The following RPS6KC1 variants were observed in gnomAD, a reference collection of about 807,000 sequenced individuals.
RPS6KC1 encodes inactive ribosomal protein S6 kinase delta-1.
RPS6KC1 carries 54 observed loss-of-function variants against 103.8 expected under a neutral mutation model. The ratio of observed to expected loss-of-function variants is 0.52; its 90% confidence interval spans 0.42 to 0.65. RPS6KC1 has a LOEUF of 0.65. RPS6KC1 is among the 30% of genes least tolerant of loss of function. The probability of loss-of-function intolerance (pLI) is 0.00; values close to 1 mark genes in which losing one functional copy is unlikely to be tolerated. For synonymous variants in RPS6KC1, 439 were observed against 438.7 expected, an observed-to-expected ratio of 1.00 and a Z score of -0.01; for missense variants, 1,151 against 1,253.8, an observed-to-expected ratio of 0.92 and a Z score of 1.24.
chr1:213,674,278 C>T, the RPS6KC1 span, among the ~76,000 whole-genome samples: 3 of 152,288 alleles, frequency 2.0e-5, no homozygotes, highest in South Asian at 4.1e-4. Context: ...CTCAGCCTCC[C>T]AAAGTCCTAG....
the RPS6KC1 span, among the ~76,000 whole-genome samples, chr1:213,618,109 A>G: frequency 6.6e-6 from 1 of 152,216 alleles, no homozygotes; most frequent in South Asian, 2.1e-4. Flanking sequence ...CACTTAAAAA[A>G]TTTCCCCAAG....
At chr1:213,856,400 T>C in the RPS6KC1 span, among the ~76,000 whole-genome samples, 33 of 152,064 alleles carry the variant, frequency 2.2e-4, no homozygotes, top group African/African-American at 8.0e-4. Context: ...CCAAATTAGT[T>C]TCATATATTT....
chr1:213,782,091 C>T, the RPS6KC1 span, among the ~76,000 whole-genome samples: 958 of 152,206 alleles, frequency 6.3e-3, 6 homozygotes, highest in South Asian at 0.017. Context: ...GACTCGAGTT[C>T]AGTGGTTTAA....
chr1:213,287,263 TG>T, the RPS6KC1 span, among the ~76,000 whole-genome samples: 1 of 151,186 alleles, frequency 6.6e-6, no homozygotes, highest in Non-Finnish European at 1.5e-5. Context: ...TGTGTGTGTG[TG>T]TGTGTGTGTA....
the RPS6KC1 span, among the ~76,000 whole-genome samples, chr1:213,743,827 T>G: frequency 6.6e-6 from 1 of 152,148 alleles, no homozygotes; most frequent in Non-Finnish European, 1.5e-5. Flanking sequence ...GAATCAGAAT[T>G]TTTGGATTCT....
the RPS6KC1 span, among the ~76,000 whole-genome samples, chr1:213,528,637 T>C: frequency 6.6e-6 from 1 of 152,218 alleles, no homozygotes; most frequent in Non-Finnish European, 1.5e-5. Context: ...TCTGTGTCCT[T>C]CTCCTCTTTT....
At chr1:213,492,718 T>A in the RPS6KC1 span, 27 of 152,402 alleles carry the variant, frequency 1.8e-4, no homozygotes, top group African/African-American at 5.5e-4. Flanking sequence ...ACTCTCCCTC[T>A]TACGTGTGAG....
intron 1 of RPS6KC1, among the ~76,000 whole-genome samples, chr1:213,058,340 C>T (rs1271129222): frequency 6.6e-6 from 1 of 151,876 alleles, no homozygotes. Context: ...AAAATCTCTG[C>T]CTAACCTCAG....
the RPS6KC1 span, among the ~76,000 whole-genome samples, chr1:213,602,161 T>TC: frequency 9.4e-6 from 1 of 106,650 alleles, no homozygotes; most frequent in Non-Finnish European, 1.8e-5. Flanking sequence ...TTTCTTTCTT[T>TC]CTTTCTTTCT....
the RPS6KC1 span, among the ~76,000 whole-genome samples, chr1:213,851,031 C>T: frequency 6.6e-6 from 1 of 152,104 alleles, no homozygotes; most frequent in Non-Finnish European, 1.5e-5. Context: ...TGCCTCTCCC[C>T]ATTCCCAAAG....
the RPS6KC1 span, among the ~76,000 whole-genome samples, chr1:213,316,454 T>A: frequency 6.6e-6 from 1 of 152,174 alleles, no homozygotes; most frequent in Non-Finnish European, 1.5e-5. Context: ...CATTACCAAA[T>A]TGGGACGATA....
chr1:213,467,502 T>A, the RPS6KC1 span, among the ~76,000 whole-genome samples: 1 of 152,224 alleles, frequency 6.6e-6, no homozygotes, highest in Non-Finnish European at 1.5e-5. Flanking sequence ...AAGTTCTTTA[T>A]GTAAATGGGA....
At chr1:213,790,935 G>A in the RPS6KC1 span, among the ~76,000 whole-genome samples, 1 of 99,088 alleles carries the variant, frequency 1.0e-5, no homozygotes, top group African/African-American at 8.4e-5. Context: ...TCATCCGGGT[G>A]TGTCTCCAAC....
intron 3 of RPS6KC1, among the ~76,000 whole-genome samples, chr1:213,089,492 G>T (rs1378756485): frequency 2.1e-5 from 3 of 146,072 alleles, no homozygotes; most frequent in African/African-American, 7.7e-5. Context: ...ATGGAGTTTT[G>T]CCCTTGTCAC....
intron 4 of RPS6KC1, among the ~76,000 whole-genome samples, chr1:213,110,979 A>T (rs1268677664): frequency 1.3e-5 from 2 of 151,292 alleles, no homozygotes; most frequent in African/African-American, 4.9e-5. Context: ...AATCCAAATC[A>T]CATTAGCCTC....
the RPS6KC1 span, among the ~76,000 whole-genome samples, chr1:213,554,806 C>A: frequency 6.6e-6 from 1 of 152,112 alleles, no homozygotes; most frequent in Non-Finnish European, 1.5e-5. Context: ...CTGGTCTCTC[C>A]TTTTAGAACA....
chr1:213,293,140 C>T, the RPS6KC1 span, among the ~76,000 whole-genome samples: 1 of 152,192 alleles, frequency 6.6e-6, no homozygotes, highest in African/African-American at 2.4e-5. Context: ...GTGGGCATAG[C>T]CTGCACTGGC....
the RPS6KC1 span, among the ~76,000 whole-genome samples, chr1:213,336,864 A>G: frequency 3.2e-4 from 49 of 151,796 alleles, no homozygotes; most frequent in African/African-American, 1.1e-3. Context: ...GCATTACACA[A>G]CTCTAGGGGG....
downstream of RPS6KC1, among the ~76,000 whole-genome samples, chr1:213,275,449 C>G (rs908464545): frequency 6.6e-6 from 1 of 152,146 alleles, no homozygotes; most frequent in African/African-American, 2.4e-5. Flanking sequence ...TAAAAATCTA[C>G]TGTTTCTATG....
Sources: gnomAD v4.1 joint callset for allele counts (sites outside exome capture counted in the v4.1 genomes callset) on GRCh38, gnomAD v4.1.1 for gene constraint, MANE v1.5 for transcripts, NCBI Gene and HGNC (gene_info 2026-07-23, HGNC 2026-07-21) for gene names.